DCAF6: variants seen among roughly 807,000 people sequenced by gnomAD.
The protein encoded by DCAF6 is DDB1 and CUL4 associated factor 6.
A neutral mutation model predicts 125.1 loss-of-function variants in DCAF6; 54 were observed. The ratio of observed to expected loss-of-function variants is 0.43; its 90% CI spans 0.35 to 0.54. The LOEUF is 0.54. DCAF6 is among the 20% of genes least tolerant of loss of function. DCAF6 has a pLI of 0.01. For missense variants in DCAF6, 934 were observed against 1,161.7 expected (o/e 0.80, Z 2.85); for synonymous variants, 371 against 390.4 (o/e 0.95, Z 0.58).
chr1:167,944,252 G>A (rs760310041), intron 1 of DCAF6, among the ~76,000 whole-genome samples: 1 of 152,112 alleles, frequency 6.6e-6, no homozygotes, highest in South Asian at 2.1e-4. Context: ...TATCTTTGCT[G>A]TTGTGAATAG....
At chr1:167,961,383 C>T (rs1352879166) in intron 2 of DCAF6, among the ~76,000 whole-genome samples, 3 of 152,100 alleles carry the variant, frequency 2.0e-5, no homozygotes, top group African/African-American at 7.2e-5. Context: ...GCTGGGACTA[C>T]AGGTGCCCAC....
chr1:168,039,565 A>G (rs1261741210), intron 13 of DCAF6, among the ~76,000 whole-genome samples: 3 of 148,802 alleles, frequency 2.0e-5, no homozygotes, highest in Non-Finnish European at 3.0e-5. Context: ...ATTAGTTAAT[A>G]TATTGATATA....
At chr1:167,918,633 G>A in the DCAF6 span, among the ~76,000 whole-genome samples, 8 of 141,086 alleles carry the variant, frequency 5.7e-5, no homozygotes, top group Middle Eastern at 0.017. Context: ...TCACTCTGTC[G>A]CCCAGGCTGG....
chr1:167,974,788 AAAT>A, intron 3 of DCAF6, 39 bp from the exon 4 acceptor site: 3 of 1,404,648 alleles, frequency 2.1e-6, no homozygotes, highest in Non-Finnish European at 2.8e-6. Flanking sequence ...TATTTCTAGG[AAAT>A]AATAAGTTAC....
chr1:167,878,991 T>A, the DCAF6 span, among the ~76,000 whole-genome samples: 28,156 of 152,178 alleles, frequency 0.19, 4,491 homozygotes, highest in African/African-American at 0.44. Flanking sequence ...GACAAGCACA[T>A]GCTTGGGCCT....
chr1:167,908,078 T>C, the DCAF6 span, among the ~76,000 whole-genome samples: 1 of 152,196 alleles, frequency 6.6e-6, no homozygotes, highest in Non-Finnish European at 1.5e-5. Flanking sequence ...CCCAAAGGAA[T>C]TGAAATCAGT....
intron 3 of DCAF6, among the ~76,000 whole-genome samples, chr1:167,972,469 A>T (rs1171941591): frequency 6.6e-6 from 1 of 152,180 alleles, no homozygotes; most frequent in Non-Finnish European, 1.5e-5. Context: ...TAGGGTTTTA[A>T]ACATGTACTG....
intron 13 of DCAF6, among the ~76,000 whole-genome samples, chr1:168,041,581 T>C (rs147089194): frequency 1.4e-4 from 22 of 152,166 alleles, no homozygotes; most frequent in African/African-American, 5.3e-4. Context: ...GCTTTGGTTT[T>C]ACCACATGGC....
At chr1:167,924,514 C>T in the DCAF6 span, 1 of 1,582,602 alleles carries the variant, frequency 6.3e-7, no homozygotes, top group Non-Finnish European at 8.6e-7. Flanking sequence ...ATAATTGGAG[C>T]CCAGAAGAAA....
At chr1:167,996,652 T>A (rs1681749852) in intron 7 of DCAF6, among the ~76,000 whole-genome samples, 1 of 152,212 alleles carries the variant, frequency 6.6e-6, no homozygotes, top group South Asian at 2.1e-4. Flanking sequence ...AAAACTGAAG[T>A]CCTTATGGTG....
chr1:167,983,151 T>A (rs1391672249), intron 4 of DCAF6, among the ~76,000 whole-genome samples: 2 of 152,236 alleles, frequency 1.3e-5, no homozygotes, highest in Non-Finnish European at 2.9e-5. Context: ...TTCAGGCTCT[T>A]TTTTGGTTCC....
chr1:167,970,057 C>T (rs1351257973), intron 3 of DCAF6, among the ~76,000 whole-genome samples: 3 of 152,184 alleles, frequency 2.0e-5, no homozygotes, highest in Admixed American at 6.5e-5. Flanking sequence ...GGATTACAGG[C>T]GTGAACCATT....
intron 12 of DCAF6, among the ~76,000 whole-genome samples, chr1:168,034,198 T>C (rs568445221): frequency 2.0e-5 from 3 of 152,336 alleles, no homozygotes; most frequent in Non-Finnish European, 4.4e-5. Flanking sequence ...TCTAAGATTG[T>C]ATATTAAGTA....
At position 168,051,080 on chromosome 1, in the gene DCAF6, G is replaced by A. The variant is rs377569891; in HGVS notation, c.2300+147G>A. On this transcript the variant is annotated intron_variant, in intron 17 of 21. Coordinates refer to ENST00000367840, the MANE Select transcript of DCAF6 (RefSeq NM_001198956.2). The stretch of plus-strand genomic sequence containing the variant: ...AGTGCTAAGCATTGTAAAGCAGGTC[G>A]CTTTCCACAAACTATATTTAGCTGC... The A allele has an allele frequency of 6.0e-4, 258 of 427,890 alleles. 2 individuals are homozygous for A. In the South Asian group the frequency reaches 0.021, roughly 35 times the overall value. The allele number at this position is 427,890 out of a possible 1,614,324, so 26.5% of individuals were successfully genotyped here.
chr1:167,901,638 A>G, the DCAF6 span: 5 of 1,612,940 alleles, frequency 3.1e-6, no homozygotes, highest in East Asian at 1.1e-4. Flanking sequence ...CTGCCGTAGG[A>G]TTTATTCCTT....
upstream of DCAF6, chr1:167,936,177 G>A (rs1252823032): frequency 1.4e-5 from 4 of 284,218 alleles, no homozygotes; most frequent in East Asian, 1.9e-4. Context: ...TGCGCAGGCC[G>A]AGCTGCCCGC....
chr1:167,939,784 T>G (rs1187756531), intron 1 of DCAF6, among the ~76,000 whole-genome samples: 1 of 151,844 alleles, frequency 6.6e-6, no homozygotes, highest in Non-Finnish European at 1.5e-5. Flanking sequence ...AATAAATAAA[T>G]AAAGTATGGT....
chr1:167,936,860 C>CCAA lies in DCAF6; in HGVS notation c.-51_-50insAAC. On this transcript the variant is annotated 5_prime_UTR_variant, in exon 1 of 22. Coordinates refer to ENST00000367840, the MANE Select transcript of DCAF6 (RefSeq NM_001198956.2). ...GTTGAAACGGGTGTCCCCTCCCCCT[C>CCAA]CTCCCCTCCCCCACGCGGTGGTCTC... The CCAA allele has an allele frequency of 7.8e-7, 1 of 1,280,270 alleles. No individual in the cohort carries two copies. Among genetic ancestry groups the CCAA allele is most frequent in the Non-Finnish European group, 1.1e-6 (1 of 902,784 alleles). 79.3% of individuals were successfully genotyped at this position (1,280,270 alleles called of 1,614,324 possible).
At chr1:167,943,244 C>T (rs763626206) in intron 1 of DCAF6, among the ~76,000 whole-genome samples, 3 of 152,132 alleles carry the variant, frequency 2.0e-5, no homozygotes, top group Non-Finnish European at 4.4e-5. Context: ...TTATAGTTAT[C>T]CTGGCTATTC....
Sources: gnomAD v4.1 joint callset for allele counts (sites outside exome capture counted in the v4.1 genomes callset) on GRCh38, gnomAD v4.1.1 for gene constraint, MANE v1.5 for transcripts, NCBI Gene and HGNC (gene_info 2026-07-23, HGNC 2026-07-21) for gene names.